Variants in ARIH1 observed in about 807,000 individuals in gnomAD.
ARIH1 encodes the protein E3 ubiquitin-protein ligase ARIH1.
A neutral mutation model predicts 85.0 loss-of-function variants in ARIH1; 8 were observed. The ratio of observed to expected loss-of-function variants is 0.09; its 90% CI spans 0.06 to 0.17. ARIH1 has a LOEUF of 0.17. Ranked by LOEUF, ARIH1 falls within the 10% of genes least tolerant of loss-of-function variation. The pLI is 1.00. For synonymous variants in ARIH1, 238 were observed against 253.6 expected, an observed-to-expected ratio of 0.94 and a Z score of 0.59; for missense variants, 311 against 718.1, an observed-to-expected ratio of 0.43 and a Z score of 6.48.
chr15:72,587,076 G>C lies in ARIH1; in HGVS notation c.*3784G>C, dbSNP rs2064320187. ...CTTATTTGGATCTGTAATTATGGGAGTTTATCACTTTTCCTCTTCAAAGCA... is the reference window on the plus strand; with the variant it reads ...CTTATTTGGATCTGTAATTATGGGACTTTATCACTTTTCCTCTTCAAAGCA... On this transcript the variant is annotated 3_prime_UTR_variant, in exon 14 of 14. Transcript: ENST00000379887. The C allele has an allele frequency of 4.9e-6, 2 of 409,620 alleles. No individual in the cohort carries two copies. The highest frequency in any genetic ancestry group is 9.5e-6 in the Non-Finnish European group (2 of 210,680). 25.4% of individuals were successfully genotyped at this position (409,620 alleles called of 1,614,324 possible). A position where few individuals can be genotyped will look rare whatever the true frequency, so the allele number is the denominator to read the frequency against.
At chr15:72,521,175 A>G (rs1474568483) in intron 2 of ARIH1, among the ~76,000 whole-genome samples, 1 of 134,012 alleles carries the variant, frequency 7.5e-6, no homozygotes, top group Non-Finnish European at 1.6e-5. Context: ...GATTGTAAGC[A>G]TTTTTACTAT....
intron 1 of ARIH1, among the ~76,000 whole-genome samples, chr15:72,493,437 A>G (rs111736023): frequency 3.9e-5 from 6 of 152,294 alleles, no homozygotes; most frequent in African/African-American, 1.4e-4. Flanking sequence ...GCACATGTGC[A>G]CCCTGCTCAA....
intron 1 of ARIH1, among the ~76,000 whole-genome samples, chr15:72,499,324 GAAAAA>G (rs540648344): frequency 7.1e-6 from 1 of 140,582 alleles, no homozygotes. Context: ...TTATTTGTAA[GAAAAA>G]AAAAAAGCAA....
chr15:72,519,333 TG>T (rs2063988446), intron 2 of ARIH1, among the ~76,000 whole-genome samples: 1 of 151,928 alleles, frequency 6.6e-6, no homozygotes, highest in African/African-American at 2.4e-5. Flanking sequence ...TAATATCTAT[TG>T]TTACTATTAA....
intron 3 of ARIH1, among the ~76,000 whole-genome samples, chr15:72,550,321 A>G (rs2064148032): frequency 6.6e-6 from 1 of 152,264 alleles, no homozygotes; most frequent in Non-Finnish European, 1.5e-5. Flanking sequence ...AGAAGTCAAA[A>G]AAGGTTGAGA....
intron 3 of ARIH1, 131 bp downstream of exon 3, chr15:72,545,095 T>G: frequency 1.3e-6 from 1 of 762,810 alleles, no homozygotes; most frequent in African/African-American, 1.8e-5. Flanking sequence ...TATCAATGTA[T>G]TCAGTGTGAG....
chr15:72,548,280 G>A (rs989267267), intron 3 of ARIH1, among the ~76,000 whole-genome samples: 1 of 152,160 alleles, frequency 6.6e-6, no homozygotes, highest in African/African-American at 2.4e-5. Flanking sequence ...GTTAGGCTAA[G>A]GAGGAAAATG....
rs2064383847 is a variant in ARIH1 at position 72,602,051 on chromosome 15, G to A, written c.*18759G>A. Reference sequence around the variant, plus strand: ...ATAGTTGCCTCTTTCTTTTTCATGCGCCATATAATATGGACTTATAATTTA... The same window carrying A: ...ATAGTTGCCTCTTTCTTTTTCATGCACCATATAATATGGACTTATAATTTA... On this transcript the variant is annotated 3_prime_UTR_variant, in exon 14 of 14. Coordinates refer to ENST00000379887, the MANE Select transcript of ARIH1 (RefSeq NM_005744.5). 1.3e-5 allele frequency: 2 copies of A among 151,902 alleles called. No homozygotes were observed. Among genetic ancestry groups the A allele is most frequent in the Non-Finnish European group, 2.9e-5 (2 of 68,000 alleles). The allele number at this position is 151,902 out of a possible 1,614,324, so 9.4% of individuals were successfully genotyped here.
At chr15:72,555,231 A>AT in intron 3 of ARIH1, 40 bp from the exon 4 acceptor site, 1 of 1,474,436 alleles carries the variant, frequency 6.8e-7, no homozygotes, top group Non-Finnish European at 9.5e-7. Context: ...GAGTTTTCTG[A>AT]TAATACCTTT....
At position 72,531,725 on chromosome 15, in the gene ARIH1, A is replaced by T. The variant is rs117183413; in HGVS notation, c.444-13095A>T. Among the ~76,000 whole-genome samples, 98 of 152,076 alleles carry T rather than the reference A, an allele frequency of 6.4e-4. 2 individuals carry two copies. The East Asian group carries it at 7.7e-3, about 12-fold the overall frequency. On this transcript the variant is annotated intron_variant, in intron 2 of 13. Coordinates refer to ENST00000379887, the MANE Select transcript of ARIH1 (RefSeq NM_005744.5). ...GCTCAACAGCAACAGTGAAAGTGAT[A>T]GTAAGATGATACCTCAGTCTTTTGA...
intron 7 of ARIH1, 87 bp from the exon 8 acceptor site, chr15:72,566,476 G>T: frequency 9.4e-7 from 1 of 1,062,390 alleles, no homozygotes; most frequent in Non-Finnish European, 1.5e-6. Context: ...CAATACTGTG[G>T]AACTATAAGG....
At chr15:72,527,515 T>A (rs771957338) in intron 2 of ARIH1, among the ~76,000 whole-genome samples, 21 of 152,110 alleles carry the variant, frequency 1.4e-4, no homozygotes, top group Non-Finnish European at 2.5e-4. Flanking sequence ...TTTTTTTTTT[T>A]ATCTCCGTAT....
chr15:72,536,955 CT>C (rs2064084717), intron 2 of ARIH1, among the ~76,000 whole-genome samples: 1 of 151,940 alleles, frequency 6.6e-6, no homozygotes, highest in Non-Finnish European at 1.5e-5. Flanking sequence ...AAGTATTCTA[CT>C]TTTTCTGAAA....
chr15:72,569,347 C>T (rs1285241076), intron 9 of ARIH1, among the ~76,000 whole-genome samples: 3 of 152,086 alleles, frequency 2.0e-5, no homozygotes. Flanking sequence ...AAAAAACAAT[C>T]TAACACGATC....
At chr15:72,536,597 G>T (rs1487845713) in intron 2 of ARIH1, among the ~76,000 whole-genome samples, 1 of 152,156 alleles carries the variant, frequency 6.6e-6, no homozygotes, top group African/African-American at 2.4e-5. Context: ...TGTAGTAAAT[G>T]GGTATTGGAT....
intron 1 of ARIH1, among the ~76,000 whole-genome samples, chr15:72,513,878 G>A (rs1410801136): frequency 4.9e-5 from 6 of 121,374 alleles, no homozygotes; most frequent in African/African-American, 1.9e-4. Context: ...TCTACCCCCC[G>A]CCCCGCCTCC....
In ARIH1 at chr15:72,592,990, C is replaced by G. The variant is rs1395584562; in HGVS notation, c.*9698C>G. The stretch of plus-strand genomic sequence containing the variant: ...GTGCATGTTTATAAGAAACTGCCCT[C>G]TTATTCTCCAAAGTGGTTTTACCAT... On this transcript the variant is annotated 3_prime_UTR_variant, in exon 14 of 14. Coordinates refer to ENST00000379887, the MANE Select transcript of ARIH1 (RefSeq NM_005744.5). The G allele has an allele frequency of 1.3e-5, 2 of 152,138 alleles. No homozygotes were observed. Among genetic ancestry groups the G allele is most frequent in the African/African-American group, 2.4e-5 (1 of 41,426 alleles). 9.4% of individuals were successfully genotyped at this position (152,138 alleles called of 1,614,324 possible). A position where few individuals can be genotyped will look rare whatever the true frequency, so the allele number is the denominator to read the frequency against.
rs898976149 is a variant in ARIH1, at chr15:72,595,838, T to C, written c.*12546T>C. 4.0e-5 allele frequency: 6 copies of C among 151,370 alleles called. No individual in the cohort carries two copies. Among genetic ancestry groups the C allele is most frequent in the African/African-American group, 1.5e-4 (6 of 41,216 alleles). The allele number at this position is 151,370 out of a possible 1,614,324, so 9.4% of individuals were successfully genotyped here. ...TTTTTTTTTTTTTTCATCTTTGTTT[T>C]TGTTTTTTTGAGACTGAGTCTTGCT... On this transcript the variant is annotated 3_prime_UTR_variant, in exon 14 of 14. Transcript: ENST00000379887.
chr15:72,549,088 C>CTTT (rs528063272), intron 3 of ARIH1, among the ~76,000 whole-genome samples: 4 of 139,332 alleles, frequency 2.9e-5, no homozygotes, highest in Admixed American at 7.2e-5. Context: ...CTCTCTCTCT[C>CTTT]TTTTTTTTTT....
Sources: allele counts gnomAD v4.1 joint callset (sites outside exome capture counted in the v4.1 genomes callset), GRCh38; gene constraint gnomAD v4.1.1; transcripts MANE v1.5; gene names NCBI Gene and HGNC (gene_info 2026-07-23, HGNC 2026-07-21).